Variants in IDUA observed in about 807,000 individuals in gnomAD.
IDUA encodes the protein alpha-L-iduronidase.
IDUA carries 65 observed loss-of-function variants against 68.9 expected under a neutral mutation model. That is an observed-to-expected ratio of 0.94 (90% CI 0.77 to 1.16). The LOEUF (loss-of-function observed/expected upper bound fraction) is 1.16. IDUA is among the 50% of genes most tolerant of loss of function. The pLI is 0.00. For missense variants in IDUA, 1,046 were observed against 938.0 expected (o/e 1.12, Z -1.50); for synonymous variants, 529 against 433.6 (o/e 1.22, Z -2.73).
In IDUA at chr4:1,001,759, T is replaced by C. The variant is rs367813829; in HGVS notation, c.670T>C (p.Ser224Pro). The C allele has an allele frequency of 2.8e-5, 44 of 1,599,140 alleles. No homozygotes were observed. The African/African-American group carries it at 5.1e-4, about 18-fold the overall frequency. ...CCTGCGGCTGGGAGGCCCCGGCGAC[T>C]CCTTCCACACCCCACCGCGATCCCC... ...PALRLGGPGD[S>P]FHTPPRSPLS... is the part of the protein sequence containing the mutation. The change falls in exon 6 of 14, where the codon TCC (serine) becomes CCC (proline). Residue 224 changes from serine to proline, a missense_variant. By Grantham distance (74) the Ser-to-Pro change is moderately conservative. Coordinates refer to ENST00000514224, the MANE Select transcript of IDUA (RefSeq NM_000203.5).
Position 1,000,623 on chromosome 4 carries a change from G to C in IDUA, c.311G>C (p.Gly104Ala), listed in dbSNP as rs368625868. 5 of 1,612,602 alleles carry C rather than the reference G, an allele frequency of 3.1e-6. No individual in the cohort carries two copies. The highest frequency in any genetic ancestry group is 3.3e-5 in the Admixed American group (2 of 60,028). ...CCGTCCTTCTGCAGGGGGTCCACTG[G>C]ACGGGGCCTGAGCTACAACTTCACC... ...LELVTTRGST[G>A]RGLSYNFTHL... The change falls in exon 3 of 14, where the codon GGA (glycine) becomes GCA (alanine). Residue 104 changes from glycine to alanine, a missense_variant. Gly to Ala is a moderately conservative substitution (Grantham distance 60). Coordinates refer to ENST00000514224, the MANE Select transcript of IDUA (RefSeq NM_000203.5).
In IDUA at chr4:990,047, C is replaced by T; in HGVS notation, c.299+2098C>T. 6.2e-7 allele frequency: 1 copy of T among 1,600,572 alleles called. No homozygotes were observed. Among genetic ancestry groups the T allele is most frequent in the Non-Finnish European group, 8.5e-7 (1 of 1,175,588 alleles). On this transcript the variant is annotated intron_variant, in intron 2 of 13. Transcript: ENST00000514224. The stretch of plus-strand genomic sequence containing the variant: ...GACACGAGTGTGGCCACCACGATGA[C>T]CAGCAGCTCCGTGGGCAGCGGCACC...
At chr4:996,008 G>C (rs532063213) in intron 2 of IDUA, among the ~76,000 whole-genome samples, 6 of 151,954 alleles carry the variant, frequency 3.9e-5, no homozygotes, top group Non-Finnish European at 7.4e-5. Flanking sequence ...TGTGAGATTC[G>C]GGCAGAGCTG....
chr4:1,001,816 G>T lies in IDUA; in HGVS notation c.727G>T (p.Asp243Tyr). ...LSWGLLRHCH[D>Y]GTNFFTGEAG... ...CTGGGGCCTCCTGCGCCACTGCCAC[G>T]ACGGTACCAACTTCTTCACTGGGGA... The change falls in exon 6 of 14, where the codon GAC becomes TAC. Residue 243 changes from aspartate (D) to tyrosine (Y), a missense_variant. Transcript: ENST00000514224. The T allele has an allele frequency of 1.2e-6, 2 of 1,605,634 alleles. No individual in the cohort carries two copies. The highest frequency in any genetic ancestry group is 1.1e-5 in the South Asian group (1 of 90,230).
chr4:991,914 C>T, intron 2 of IDUA: 1 of 1,042,420 alleles, frequency 9.6e-7, no homozygotes, highest in South Asian at 1.4e-5. Flanking sequence ...GACGCTGGGC[C>T]CTGCTGGATC....
At chr4:989,871 G>A (rs1326718965) in intron 2 of IDUA, 2 of 1,574,640 alleles carry the variant, frequency 1.3e-6, no homozygotes, top group South Asian at 2.3e-5. Flanking sequence ...CCAGCGAGAT[G>A]GAGAAGGCGG....
chr4:993,631 C>CG (rs141928229), intron 2 of IDUA, among the ~76,000 whole-genome samples: 17,580 of 152,204 alleles, frequency 0.12, 1,302 homozygotes, highest in Middle Eastern at 0.28. Flanking sequence ...GCGGCCCTGC[C>CG]GGGGGGGCTT....
chr4:1,003,826 G>T, intron 12 of IDUA, 186 bp from the exon 13 acceptor site: 1 of 779,936 alleles, frequency 1.3e-6, no homozygotes, highest in Non-Finnish European at 2.2e-6. Flanking sequence ...TCTCCTAGGG[G>T]ACATGAGATG....
chr4:1,001,736 T>A lies in IDUA; in HGVS notation c.647T>A (p.Leu216Gln). 6.3e-7 allele frequency: 1 copy of A among 1,599,202 alleles called. No individual in the cohort carries two copies. Among genetic ancestry groups the A allele is most frequent in the Non-Finnish European group, 8.5e-7 (1 of 1,178,344 alleles). ...SEGLRAASPA[L>Q]RLGGPGDSFH... ...GGTCTGCGCGCCGCCAGCCCCGCCCTGCGGCTGGGAGGCCCCGGCGACTCC... is the reference window on the plus strand; with the variant it reads ...GGTCTGCGCGCCGCCAGCCCCGCCCAGCGGCTGGGAGGCCCCGGCGACTCC... Residue 216 changes from leucine (L) to glutamine (Q), a missense_variant, in exon 6 of 14, where the codon CTG (leucine) becomes CAG (glutamine). Transcript: ENST00000514224.
rs1343464853 is a variant in IDUA, at chr4:990,131, A to G, written c.299+2182A>G. The stretch of plus-strand genomic sequence containing the variant: ...TTCGCGGCTAGCAGCACCGCCAGGC[A>G]CACCGTGCTGGTGACCACGTCGCAC... On this transcript the variant is annotated intron_variant, in intron 2 of 13. Coordinates refer to ENST00000514224, the MANE Select transcript of IDUA (RefSeq NM_000203.5). 2.5e-6 allele frequency: 4 copies of G among 1,574,156 alleles called. No homozygotes were observed. In the African/African-American group the frequency reaches 4.0e-5, roughly 16 times the overall value.
At chr4:995,012 G>A (rs1220834070) in intron 2 of IDUA, among the ~76,000 whole-genome samples, 2 of 151,684 alleles carry the variant, frequency 1.3e-5, no homozygotes, top group Non-Finnish European at 2.9e-5. Flanking sequence ...CTGCAGTGAG[G>A]TATGTTTGTA....
chr4:987,639 A>G, intron 1 of IDUA, 170 bp from the exon 2 acceptor site: 1 of 1,447,838 alleles, frequency 6.9e-7, no homozygotes, highest in Non-Finnish European at 9.1e-7. Context: ...TTCCCCATGA[A>G]GATGGGACCT....
rs1053501201 is a variant in IDUA at position 1,002,793 on chromosome 4, G to A, written c.1251G>A (p.Thr417=). The change falls in exon 9 of 14, where the codon ACG becomes ACA. Residue 417 remains threonine, a synonymous_variant. Coordinates refer to ENST00000514224, the MANE Select transcript of IDUA (RefSeq NM_000203.5). The part of the protein sequence containing the change: ...QAGTVLDSNH[T]VGVLASAHRP... ...GGACCGTCCTGGACAGCAACCACAC[G>A]GTGGGCGTCCTGGCCAGCGCCCACC... 5 of 1,468,234 alleles carry A rather than the reference G, an allele frequency of 3.4e-6. No individual in the cohort carries two copies. In the African/African-American group the frequency reaches 4.4e-5, roughly 13 times the overall value. 91.0% of individuals were successfully genotyped at this position (1,468,234 alleles called of 1,614,324 possible).
chr4:1,004,413 G>T lies in IDUA; in HGVS notation c.*20G>T. On this transcript the variant is annotated 3_prime_UTR_variant, in exon 14 of 14. Coordinates refer to ENST00000514224, the MANE Select transcript of IDUA (RefSeq NM_000203.5). The surrounding 1 kb of genome is among the most constrained non-coding windows in gnomAD (Gnocchi z 5.0). Reference sequence around the variant, plus strand: ...CCATGAGCCTGTGCTGAGCCCCAGTGGGTTGCACCTCCACCGGCAGTCAGC... The same window carrying T: ...CCATGAGCCTGTGCTGAGCCCCAGTTGGTTGCACCTCCACCGGCAGTCAGC... The T allele has an allele frequency of 1.2e-6, 2 of 1,608,802 alleles. No homozygotes were observed.
At position 991,261 on chromosome 4, in the gene IDUA, G is replaced by A. The variant is rs142565869; in HGVS notation, c.299+3312G>A. 116 of 1,612,438 alleles carry A rather than the reference G, an allele frequency of 7.2e-5. No homozygotes were observed. The Admixed American group carries it at 8.3e-4, about 12-fold the overall frequency. ...TCCGGGCTGCAGGCCGTCCTGGGAG[G>A]GGTCAAAGCCGGCCAGCTGGAGCTC... On this transcript the variant is annotated intron_variant, in intron 2 of 13. Transcript: ENST00000514224.
In IDUA at chr4:987,050, G is replaced by T; in HGVS notation, c.-35G>T. 6.6e-7 allele frequency: 1 copy of T among 1,514,490 alleles called. No individual in the cohort carries two copies. The highest frequency in any genetic ancestry group is 8.8e-7 in the Non-Finnish European group (1 of 1,139,194). The allele number at this position is 1,514,490 out of a possible 1,614,324, so 93.8% of individuals were successfully genotyped here. On this transcript the variant is annotated 5_prime_UTR_variant, in exon 1 of 14. Transcript: ENST00000514224. ...ACCCGGAGGCGGAACCGGCAGTGCA[G>T]CCCGAAGCCCCGCAGTCCCCGAGCA...
In IDUA at chr4:1,001,798, C is replaced by G. The variant is rs74385837; in HGVS notation, c.709C>G (p.Leu237Val). The G allele has an allele frequency of 1.1e-5, 17 of 1,604,662 alleles. No individual in the cohort carries two copies. Among genetic ancestry groups the G allele is most frequent in the Non-Finnish European group, 1.4e-5 (17 of 1,177,788 alleles). Reference sequence around the variant, plus strand: ...ACCGCGATCCCCGCTGAGCTGGGGCCTCCTGCGCCACTGCCACGACGGTAC... The same window carrying G: ...ACCGCGATCCCCGCTGAGCTGGGGCGTCCTGCGCCACTGCCACGACGGTAC... ...TPPRSPLSWGLLRHCHDGTNF... is the reference protein window; with the variant it reads ...TPPRSPLSWGVLRHCHDGTNF... Residue 237 changes from leucine (L) to valine (V), a missense_variant, in exon 6 of 14, where the codon CTC becomes GTC. Coordinates refer to ENST00000514224, the MANE Select transcript of IDUA (RefSeq NM_000203.5).
intron 2 of IDUA, chr4:990,822 G>T (rs542044103): frequency 1.2e-5 from 5 of 422,454 alleles, no homozygotes; most frequent in Non-Finnish European, 2.1e-5. Flanking sequence ...GAAGGCCTGG[G>T]AGGCCACATG....
At chr4:989,194 A>AC in intron 2 of IDUA, 1 of 1,605,672 alleles carries the variant, frequency 6.2e-7, no homozygotes, top group Non-Finnish European at 8.5e-7. Flanking sequence ...TCCCTCACCG[A>AC]CCCCCGTCTC....
Sources: allele counts gnomAD v4.1 joint callset (sites outside exome capture counted in the v4.1 genomes callset), GRCh38; gene constraint gnomAD v4.1.1; non-coding constraint Gnocchi (gnomAD v3.1); transcripts MANE v1.5; gene names NCBI Gene and HGNC (gene_info 2026-07-23, HGNC 2026-07-21).